The following CELF2 variants were observed in gnomAD, a reference collection of about 807,000 sequenced individuals.
CELF2 encodes the protein CUGBP Elav-like family member 2, also known as CUG triplet repeat RNA-binding protein 2.
Under a neutral mutation model 62.6 loss-of-function variants are expected in CELF2, and 8 were observed. That is an observed-to-expected ratio of 0.13 (90% CI 0.07 to 0.23). The LOEUF is 0.23. Among genes scored for constraint, CELF2 ranks in the 10% least tolerant of loss-of-function variants. The pLI is 1.00. For missense variants in CELF2, 333 were observed against 671.0 expected (o/e 0.50, Z 5.56); for synonymous variants, 258 against 250.0 (o/e 1.03, Z -0.30).
the CELF2 span, among the ~76,000 whole-genome samples, chr10:10,783,386 C>T: frequency 6.6e-6 from 1 of 152,076 alleles, no homozygotes; most frequent in African/African-American, 2.4e-5. Flanking sequence ...GAGGAGATGG[C>T]CATCTACAAA....
the CELF2 span, among the ~76,000 whole-genome samples, chr10:10,775,264 A>G: frequency 5.9e-5 from 9 of 152,290 alleles, 1 homozygote; most frequent in South Asian, 1.9e-3. Flanking sequence ...AAAGGCCCTG[A>G]CAGAGGAACA....
At chr10:11,187,415 T>G (rs1345945178) in intron 2 of CELF2, among the ~76,000 whole-genome samples, 2 of 152,220 alleles carry the variant, frequency 1.3e-5, no homozygotes, top group African/African-American at 4.8e-5. Flanking sequence ...TGTATCTGTC[T>G]ATTTAAAGTG....
the CELF2 span, among the ~76,000 whole-genome samples, chr10:10,602,801 G>A: frequency 6.6e-6 from 1 of 152,062 alleles, no homozygotes; most frequent in African/African-American, 2.4e-5. Context: ...ATGTGCCACA[G>A]AACTTGAGAG....
the CELF2 span, among the ~76,000 whole-genome samples, chr10:10,730,982 G>GGT: frequency 6.6e-6 from 1 of 152,178 alleles, no homozygotes; most frequent in Non-Finnish European, 1.5e-5. Flanking sequence ...TGTCCTGAGT[G>GGT]GTGCTATAGG....
At chr10:10,565,157 A>G in the CELF2 span, among the ~76,000 whole-genome samples, 113 of 152,284 alleles carry the variant, frequency 7.4e-4, no homozygotes, top group African/African-American at 2.7e-3. Flanking sequence ...GGGTGAGGAG[A>G]GGCATTCAGT....
At chr10:10,583,724 C>A in the CELF2 span, among the ~76,000 whole-genome samples, 1 of 152,162 alleles carries the variant, frequency 6.6e-6, no homozygotes, top group South Asian at 2.1e-4. Context: ...AAAGAAAGAC[C>A]GAGACTGGCA....
chr10:10,806,968 C>T (rs886631706), intron 1 of CELF2, among the ~76,000 whole-genome samples: 3 of 152,266 alleles, frequency 2.0e-5, no homozygotes, highest in African/African-American at 7.2e-5. Flanking sequence ...CGGTTACCCC[C>T]CTTTTTGATC....
intron 1 of CELF2, among the ~76,000 whole-genome samples, chr10:10,909,834 TAG>T (rs1344493602): frequency 7.0e-6 from 1 of 143,226 alleles, no homozygotes; most frequent in Non-Finnish European, 1.5e-5. Flanking sequence ...TCTTCTCCAG[TAG>T]ACAGACAGCC....
At chr10:10,979,061 A>G (rs1443934297) in intron 2 of CELF2, among the ~76,000 whole-genome samples, 1 of 152,152 alleles carries the variant, frequency 6.6e-6, no homozygotes, top group South Asian at 2.1e-4. Context: ...CCCTTGGAGA[A>G]TTCCACCCCT....
rs73575697 is a variant in CELF2 at position 11,157,044 on chromosome 10, C to T, written c.75-8442C>T. Among the ~76,000 whole-genome samples the T allele has an allele frequency of 4.3e-3, 648 of 152,140 alleles. 5 individuals are homozygous for T. Among genetic ancestry groups the T allele is most frequent in the African/African-American group, 0.015 (632 of 41,472 alleles). On this transcript the variant is annotated intron_variant, in intron 1 of 12. Transcript: ENST00000633077. This position sits in a 1 kb window ranked among gnomAD's most constrained non-coding sequence, Gnocchi z 4.9. ...AATGGGTGACCTCTCCACAGGATTC[C>T]CACAGCGTGTGAGAATGAAGGGTGG... is the stretch of plus-strand genomic sequence containing the variant.
chr10:10,908,003 G>A (rs1388240056), intron 1 of CELF2, among the ~76,000 whole-genome samples: 4 of 152,078 alleles, frequency 2.6e-5, no homozygotes, highest in African/African-American at 9.7e-5. Flanking sequence ...TGAATGGAAA[G>A]ATGTTCATCT....
Position 11,332,632 on chromosome 10 carries a change from T to C in CELF2, c.*3579T>C, listed in dbSNP as rs1321683615. ...CAAGCTCCAGTCTTCCTCTTCGGCATGCCCTGGAAGCTTCTTGGCCTCAGC... is the reference window on the plus strand; with the variant it reads ...CAAGCTCCAGTCTTCCTCTTCGGCACGCCCTGGAAGCTTCTTGGCCTCAGC... On this transcript the variant is annotated 3_prime_UTR_variant, in exon 13 of 13. Transcript: ENST00000633077. 6.5e-6 allele frequency: 1 copy of C among 152,802 alleles called. No individual in the cohort carries two copies. Among genetic ancestry groups the C allele is most frequent in the Non-Finnish European group, 1.5e-5 (1 of 68,120 alleles). The allele number at this position is 152,802 out of a possible 1,614,324, so 9.5% of individuals were successfully genotyped here.
At chr10:10,937,217 C>T (rs779717787) in intron 2 of CELF2, among the ~76,000 whole-genome samples, 29 of 150,514 alleles carry the variant, frequency 1.9e-4, no homozygotes, top group African/African-American at 6.1e-4. Flanking sequence ...AGGCAACCTC[C>T]GCCTCCCAGG....
At position 11,270,686 on chromosome 10, in the gene CELF2, G is replaced by A; in HGVS notation, c.639G>A (p.Val213=). The change falls in exon 7 of 13, where the codon GTG becomes GTA. Residue 213 remains valine (V), a synonymous_variant. Coordinates refer to ENST00000633077, the MANE Select transcript of CELF2 (RefSeq NM_001326342.2). The surrounding 1 kb of genome is among the most constrained non-coding windows in gnomAD (Gnocchi z 5.8). The part of the protein sequence containing the change: ...QTMEGCSSPI[V]VKFADTQKDK... ...CACAGGGCTGCTCTTCACCTATCGT[G>A]GTGAAGTTTGCTGACACTCAGAAGG... The A allele has an allele frequency of 4.0e-6, 6 of 1,518,750 alleles. No individual in the cohort carries two copies. Among genetic ancestry groups the A allele is most frequent in the Non-Finnish European group, 5.3e-6 (6 of 1,128,102 alleles). The allele number at this position is 1,518,750 out of a possible 1,614,324, so 94.1% of individuals were successfully genotyped here.
rs539477807 is a variant in CELF2 at position 11,308,330 on chromosome 10, A to T, written c.977-5809A>T. Among the ~76,000 whole-genome samples, 4 of 152,196 alleles carry T rather than the reference A, an allele frequency of 2.6e-5. No homozygotes were observed. In the South Asian group the frequency reaches 8.3e-4, roughly 32 times the overall value. On this transcript the variant is annotated intron_variant, in intron 9 of 12. Coordinates refer to ENST00000633077, the MANE Select transcript of CELF2 (RefSeq NM_001326342.2). ...CAGATTTGGGAAATTATCAGCCATT[A>T]TCTCTTGAAATTTTTTTTCTGGTCT...
Position 11,329,006 on chromosome 10 carries a change from T to C in CELF2, c.1519T>C (p.Leu507=). The C allele has an allele frequency of 6.2e-7, 1 of 1,613,894 alleles. No homozygotes were observed. ...MNGFQIGMKR[L]KVQLKRSKND... is the part of the protein sequence containing the mutation. Reference sequence around the variant, plus strand: ...TGGCTTTCAGATCGGCATGAAACGCTTGAAGGTGCAGCTGAAGCGTTCCAA... The same window carrying C: ...TGGCTTTCAGATCGGCATGAAACGCCTGAAGGTGCAGCTGAAGCGTTCCAA... The change falls in exon 13 of 13, where the codon TTG becomes CTG. Residue 507 remains leucine (L), a synonymous_variant. Coordinates refer to ENST00000633077, the MANE Select transcript of CELF2 (RefSeq NM_001326342.2). This position sits in a 1 kb window ranked among gnomAD's most constrained non-coding sequence, Gnocchi z 5.5.
intron 2 of CELF2, among the ~76,000 whole-genome samples, chr10:11,170,082 T>G (rs2068376432): frequency 6.6e-6 from 1 of 152,166 alleles, no homozygotes; most frequent in Non-Finnish European, 1.5e-5. Context: ...AGTGTAGATG[T>G]GCCTTTCTAG....
intron 1 of CELF2, among the ~76,000 whole-genome samples, chr10:10,823,433 T>C (rs887382359): frequency 1.5e-4 from 23 of 152,198 alleles, no homozygotes; most frequent in African/African-American, 5.1e-4. Context: ...TGGCTATTCC[T>C]TAACACACTG....
rs969604010 is a variant in CELF2 at position 11,334,684 on chromosome 10, C to A, written c.*5631C>A. 6.6e-5 allele frequency: 10 copies of A among 152,178 alleles called. No homozygotes were observed. The highest frequency in any genetic ancestry group is 5.2e-4 in the Admixed American group (8 of 15,272). The allele number at this position is 152,178 out of a possible 1,614,324, so 9.4% of individuals were successfully genotyped here. ...CACACAGGTTAATTTCCCCTTCTCTCCCCTCCCTCATGAGTCTATCCACGC... is the reference window on the plus strand; with the variant it reads ...CACACAGGTTAATTTCCCCTTCTCTACCCTCCCTCATGAGTCTATCCACGC... On this transcript the variant is annotated 3_prime_UTR_variant, in exon 13 of 13. Coordinates refer to ENST00000633077, the MANE Select transcript of CELF2 (RefSeq NM_001326342.2).
Sources: allele counts gnomAD v4.1 joint callset (sites outside exome capture counted in the v4.1 genomes callset), GRCh38; gene constraint gnomAD v4.1.1; non-coding constraint Gnocchi (gnomAD v3.1); transcripts MANE v1.5; gene names NCBI Gene and HGNC (gene_info 2026-07-23, HGNC 2026-07-21).